The following KAZN variants were observed in gnomAD, a reference collection of about 807,000 sequenced individuals.
KAZN encodes kazrin.
A neutral mutation model predicts 87.4 loss-of-function variants in KAZN; 40 were observed. The ratio of observed to expected loss-of-function variants is 0.46; its 90% confidence interval spans 0.36 to 0.60. The LOEUF is 0.60. KAZN is among the 20% of genes least tolerant of loss of function. The pLI is 0.00. For synonymous variants in KAZN, 466 were observed against 458.3 expected, an observed-to-expected ratio of 1.02 and a Z score of -0.22; for missense variants, 898 against 1,073.9, an observed-to-expected ratio of 0.84 and a Z score of 2.29.
chr1:14,300,315 T>C (rs1319379203), intron 2 of KAZN, among the ~76,000 whole-genome samples: 1 of 152,146 alleles, frequency 6.6e-6, no homozygotes, highest in Non-Finnish European at 1.5e-5. Context: ...CACTGCAGCC[T>C]TGACCTCCTG....
intron 2 of KAZN, among the ~76,000 whole-genome samples, chr1:14,419,955 G>A (rs554833789): frequency 4.6e-5 from 7 of 152,134 alleles, no homozygotes; most frequent in East Asian, 1.9e-4. Context: ...AAGGTGGAAG[G>A]GAACATTAGG....
At chr1:14,645,660 G>A (rs1231952410) in intron 1 of KAZN, among the ~76,000 whole-genome samples, 1 of 152,292 alleles carries the variant, frequency 6.6e-6, no homozygotes, top group Non-Finnish European at 1.5e-5. Flanking sequence ...AGACTATGGT[G>A]TTTTCTAGAT....
At chr1:14,373,663 A>G (rs893727748) in intron 2 of KAZN, among the ~76,000 whole-genome samples, 1 of 152,242 alleles carries the variant, frequency 6.6e-6, no homozygotes, top group Admixed American at 6.5e-5. Context: ...AAAGTTAACC[A>G]AAGCAAAAGT....
chr1:15,075,356 C>G (rs558359905), intron 8 of KAZN, among the ~76,000 whole-genome samples: 1 of 152,294 alleles, frequency 6.6e-6, no homozygotes, highest in Admixed American at 6.5e-5. Flanking sequence ...TCAGCACAAC[C>G]CTTTCACTTA....
chr1:14,323,381 T>C (rs1416623), intron 2 of KAZN, among the ~76,000 whole-genome samples: 17,010 of 152,042 alleles, frequency 0.11, 1,028 homozygotes, highest in East Asian at 0.23. Context: ...CATAGGCTAA[T>C]GTTCTGGTCA....
intron 2 of KAZN, among the ~76,000 whole-genome samples, chr1:14,216,927 G>A (rs1415865211): frequency 6.6e-6 from 1 of 152,156 alleles, no homozygotes; most frequent in South Asian, 2.1e-4. Context: ...AAGTTTAAAA[G>A]AGCAAATTTT....
At chr1:14,752,212 C>A (rs1644431536) in intron 1 of KAZN, among the ~76,000 whole-genome samples, 1 of 152,132 alleles carries the variant, frequency 6.6e-6, no homozygotes, top group Non-Finnish European at 1.5e-5. Context: ...TCCATTAGGC[C>A]CACCTCTAAT....
chr1:14,983,904 T>C (rs551328944), intron 2 of KAZN, among the ~76,000 whole-genome samples: 11 of 152,160 alleles, frequency 7.2e-5, no homozygotes, highest in Non-Finnish European at 1.6e-4. Context: ...ATCACGCCAT[T>C]GCACTCCAGC....
chr1:14,558,086 T>C (rs980174906), intron 2 of KAZN, among the ~76,000 whole-genome samples: 12 of 152,080 alleles, frequency 7.9e-5, no homozygotes, highest in Non-Finnish European at 1.2e-4. Flanking sequence ...AAAGAAAGAA[T>C]CCCTTCTTCT....
At chr1:14,086,009 T>C (rs1643842025) in intron 1 of KAZN, among the ~76,000 whole-genome samples, 1 of 152,178 alleles carries the variant, frequency 6.6e-6, no homozygotes, top group South Asian at 2.1e-4. Flanking sequence ...TTCAGCATCT[T>C]ATTGGCCCTC....
intron 1 of KAZN, among the ~76,000 whole-genome samples, chr1:14,127,177 A>G (rs920314072): frequency 6.6e-6 from 1 of 152,220 alleles, no homozygotes; most frequent in Admixed American, 6.5e-5. Context: ...AGAAGTTTTC[A>G]ATTTATGATT....
intron 1 of KAZN, among the ~76,000 whole-genome samples, chr1:14,067,204 A>T (rs982937637): frequency 3.9e-4 from 60 of 152,104 alleles, no homozygotes; most frequent in African/African-American, 1.4e-3. Flanking sequence ...CTGTCTCCCC[A>T]TAGCCTAGCA....
At chr1:14,337,624 G>A (rs890386803) in intron 2 of KAZN, among the ~76,000 whole-genome samples, 3 of 152,134 alleles carry the variant, frequency 2.0e-5, no homozygotes, top group African/African-American at 2.4e-5. Context: ...GGCTGGGTGC[G>A]GTGGCTCACG....
intron 2 of KAZN, among the ~76,000 whole-genome samples, chr1:14,290,398 C>T (rs1018583015): frequency 6.6e-6 from 1 of 152,112 alleles, no homozygotes; most frequent in African/African-American, 2.4e-5. Flanking sequence ...TTTCTCTAAA[C>T]TTCTCTTCCT....
chr1:14,713,797 A>AAAAAGAAAGAAAG lies in KAZN; in HGVS notation c.226+114577_226+114578insAGAAAGAAAGAAA, dbSNP rs1553215138. ...CTACAAAAAAAAAAAAAAAAAAAAA[A>AAAAAGAAAGAAAG]AAAGAAAGAATAATTAGGTGTGGTG... On this transcript the variant is annotated intron_variant, in intron 1 of 14. Coordinates refer to ENST00000376030, the MANE Select transcript of KAZN (RefSeq NM_201628.3). Among the ~76,000 whole-genome samples, 78 of 95,660 alleles carry AAAAAGAAAGAAAG rather than the reference A, an allele frequency of 8.2e-4. 2 individuals carry two copies. Among genetic ancestry groups the AAAAAGAAAGAAAG allele is most frequent in the African/African-American group, 2.9e-3 (69 of 23,708 alleles). 62.8% of individuals were successfully genotyped at this position (95,660 alleles called of 152,430 possible). A position where few individuals can be genotyped will look rare whatever the true frequency, so the allele number is the denominator to read the frequency against.
chr1:14,997,818 G>A (rs1306563128), intron 2 of KAZN, among the ~76,000 whole-genome samples: 1 of 152,140 alleles, frequency 6.6e-6, no homozygotes, highest in Non-Finnish European at 1.5e-5. Flanking sequence ...AGCATCAGGT[G>A]GGCATGATCA....
At chr1:14,482,643 A>G (rs1411653326) in intron 2 of KAZN, among the ~76,000 whole-genome samples, 1 of 148,678 alleles carries the variant, frequency 6.7e-6, no homozygotes, top group Non-Finnish European at 1.5e-5. Context: ...AAAGGGAGGG[A>G]GTTGGGGAGG....
intron 2 of KAZN, among the ~76,000 whole-genome samples, chr1:14,398,887 T>G (rs1022379975): frequency 6.6e-6 from 1 of 152,134 alleles, no homozygotes; most frequent in East Asian, 1.9e-4. Flanking sequence ...GTGTTCTCAC[T>G]CTGTGACTTT....
intron 1 of KAZN, among the ~76,000 whole-genome samples, chr1:14,100,223 T>A (rs2101641948): frequency 6.6e-6 from 1 of 152,158 alleles, no homozygotes; most frequent in African/African-American, 2.4e-5. Flanking sequence ...GCTCTTTAAA[T>A]CCCCCACTTG....
Sources: allele counts gnomAD v4.1 joint callset (sites outside exome capture counted in the v4.1 genomes callset), GRCh38; gene constraint gnomAD v4.1.1; transcripts MANE v1.5; gene names NCBI Gene and HGNC (gene_info 2026-07-23, HGNC 2026-07-21).